Variants in MCF2L2 observed in about 807,000 individuals in gnomAD.
MCF2L2 encodes MCF.2 cell line derived transforming sequence-like 2.
Under a neutral mutation model 150.2 loss-of-function variants are expected in MCF2L2, and 102 were observed. The ratio of observed to expected loss-of-function variants is 0.68; its 90% confidence interval spans 0.58 to 0.80. The LOEUF (loss-of-function observed/expected upper bound fraction) is 0.80. Among genes scored for constraint, MCF2L2 ranks in the 30% least tolerant of loss-of-function variants. MCF2L2 has a pLI of 0.00. For synonymous variants in MCF2L2, 465 were observed against 491.3 expected (o/e 0.95, Z 0.71); for missense variants, 1,256 against 1,372.8 (o/e 0.91, Z 1.34).
intron 18 of MCF2L2, chr3:183,225,843 G>C (rs1005630230): frequency 1.3e-5 from 2 of 152,218 alleles, no homozygotes; most frequent in Admixed American, 6.5e-5. Flanking sequence ...ACATTATTTT[G>C]TTTCCCACAA....
chr3:183,351,956 C>T (rs536539678), intron 3 of MCF2L2, among the ~76,000 whole-genome samples: 24 of 152,116 alleles, frequency 1.6e-4, no homozygotes, highest in Non-Finnish European at 2.5e-4. Context: ...GACTTCAAGT[C>T]GCTAGGGACC....
chr3:183,398,758 A>T (rs1714593895), intron 1 of MCF2L2, among the ~76,000 whole-genome samples: 1 of 152,134 alleles, frequency 6.6e-6, no homozygotes, highest in African/African-American at 2.4e-5. Context: ...GTATCTCATG[A>T]ATATAACGTG....
intron 15 of MCF2L2, among the ~76,000 whole-genome samples, chr3:183,264,673 AC>A (rs1725930009): frequency 6.6e-6 from 1 of 152,230 alleles, no homozygotes; most frequent in African/African-American, 2.4e-5. Flanking sequence ...AGCAGGTTTC[AC>A]ATATTATCTC....
intron 4 of MCF2L2, 86 bp downstream of exon 4, chr3:183,341,454 G>A (rs1730691231): frequency 3.7e-6 from 4 of 1,069,590 alleles, no homozygotes; most frequent in African/African-American, 1.6e-5. Context: ...TAAAATAATT[G>A]CCTTTTCCCC....
At chr3:183,260,662 G>A (rs186180787) in intron 15 of MCF2L2, among the ~76,000 whole-genome samples, 1 of 151,136 alleles carries the variant, frequency 6.6e-6, no homozygotes, top group South Asian at 2.1e-4. Context: ...GAAATTCCCC[G>A]TCTTTACTTC....
At position 183,337,552 on chromosome 3, in the gene MCF2L2, C is replaced by CAAAA. The variant is rs61184812; in HGVS notation, c.486+1244_486+1247dup. ...TGGGCACCAGAGCAAGACTCCATCTCAAAAAAAAAAAAAAAAAAGAAGAAA... is the reference window on the plus strand; with the variant it reads ...TGGGCACCAGAGCAAGACTCCATCTCAAAAAAAAAAAAAAAAAAAAAAGAAGAAA... On this transcript the variant is annotated intron_variant, in intron 5 of 29. Transcript: ENST00000328913. Among the ~76,000 whole-genome samples, 495 of 71,880 alleles carry CAAAA rather than the reference C, an allele frequency of 6.9e-3. 9 individuals are homozygous for CAAAA. Among genetic ancestry groups the CAAAA allele is most frequent in the African/African-American group, 0.018 (394 of 22,194 alleles). 47.2% of individuals were successfully genotyped at this position (71,880 alleles called of 152,430 possible).
intron 11 of MCF2L2, chr3:183,299,759 C>G (rs149581271): frequency 2.2e-6 from 1 of 453,736 alleles, no homozygotes; most frequent in Non-Finnish European, 3.9e-6. Context: ...CGGCTCCACA[C>G]AGATAGAAAT....
At chr3:183,393,918 G>C (rs1385242404) in intron 1 of MCF2L2, among the ~76,000 whole-genome samples, 1 of 152,130 alleles carries the variant, frequency 6.6e-6, no homozygotes, top group East Asian at 1.9e-4. Flanking sequence ...AACTGCTAAA[G>C]GATAAAGGGC....
Position 183,249,738 on chromosome 3 carries a change from G to A in MCF2L2, c.1863-18721C>T, listed in dbSNP as rs151328904. Among the ~76,000 whole-genome samples, 710 of 152,310 alleles carry A rather than the reference G, an allele frequency of 4.7e-3. 9 individuals are homozygous for A. Among genetic ancestry groups the A allele is most frequent in the African/African-American group, 0.016 (665 of 41,570 alleles). ...AGCAAAGAGCTAGTGTGTCTCCAGC[G>A]TCAGCTTTTGGGCCTTGGTGGCATC... On this transcript the variant is annotated intron_variant, in intron 15 of 29. Coordinates refer to ENST00000328913, the MANE Select transcript of MCF2L2 (RefSeq NM_015078.4).
Position 183,207,709 on chromosome 3 carries a change from G to C in MCF2L2, c.2611C>G (p.Gln871Glu), listed in dbSNP as rs200848511. 7 of 1,614,126 alleles carry C rather than the reference G, an allele frequency of 4.3e-6. No homozygotes were observed. The highest frequency in any genetic ancestry group is 5.9e-6 in the Non-Finnish European group (7 of 1,179,972). Residue 871 changes from glutamine (Q) to glutamate (E), a missense_variant, in exon 23 of 30, where the codon CAA (glutamine) becomes GAA (glutamate). Gln to Glu is a conservative substitution (Grantham distance 29). Transcript: ENST00000328913. ...ATTCCCCTTTCAAATAGGTAGATTT[G>C]CCTCTGGCTGGGTTTAAATCGAATC... is the stretch of plus-strand genomic sequence containing the variant. ...DLIRFKPSQR[Q>E]IYLFERGIVF...
At chr3:183,192,878 T>C in intron 27 of MCF2L2, 121 bp downstream of exon 27, 2 of 696,514 alleles carry the variant, frequency 2.9e-6, no homozygotes, top group Non-Finnish European at 4.9e-6. Flanking sequence ...AAATGCTTTC[T>C]TTTTTCTCCC....
intron 2 of MCF2L2, among the ~76,000 whole-genome samples, chr3:183,388,384 C>T (rs913836619): frequency 1.3e-5 from 2 of 151,952 alleles, no homozygotes; most frequent in Non-Finnish European, 2.9e-5. Context: ...GAGAACAGAC[C>T]CCATTCTGCC....
At chr3:183,253,665 C>T (rs1305375239) in intron 15 of MCF2L2, 3 of 152,326 alleles carry the variant, frequency 2.0e-5, no homozygotes, top group Non-Finnish European at 4.4e-5. Flanking sequence ...GTTAGAGCTC[C>T]CGCTCGGAAA....
chr3:183,391,658 T>C (rs918520453), intron 1 of MCF2L2, among the ~76,000 whole-genome samples: 1 of 152,188 alleles, frequency 6.6e-6, no homozygotes, highest in African/African-American at 2.4e-5. Flanking sequence ...TGGATAATTA[T>C]TGAAGCTGGT....
chr3:183,186,929 T>A (rs1721715896), intron 27 of MCF2L2, among the ~76,000 whole-genome samples: 1 of 152,260 alleles, frequency 6.6e-6, no homozygotes, highest in African/African-American at 2.4e-5. Flanking sequence ...ATGTTGGATT[T>A]GTATTTTTAT....
At chr3:183,215,353 T>C (rs1377695643) in intron 22 of MCF2L2, among the ~76,000 whole-genome samples, 1 of 143,322 alleles carries the variant, frequency 7.0e-6, no homozygotes, top group Non-Finnish European at 1.6e-5. Context: ...TTAACTATGC[T>C]CCAGTCTCAA....
intron 15 of MCF2L2, among the ~76,000 whole-genome samples, chr3:183,245,857 C>T (rs1353592913): frequency 2.0e-5 from 3 of 152,170 alleles, no homozygotes; most frequent in African/African-American, 7.2e-5. Context: ...GAGTTTTGCT[C>T]AGGTAATCTG....
intron 22 of MCF2L2, among the ~76,000 whole-genome samples, chr3:183,208,990 C>T (rs1464747675): frequency 6.6e-6 from 1 of 152,078 alleles, no homozygotes; most frequent in Non-Finnish European, 1.5e-5. Context: ...GGAAAATTTA[C>T]ATATGTAGAC....
intron 3 of MCF2L2, among the ~76,000 whole-genome samples, chr3:183,358,654 TC>T (rs1711938747): frequency 1.3e-5 from 2 of 152,192 alleles, no homozygotes; most frequent in Admixed American, 1.3e-4. Flanking sequence ...AGGATCTCAT[TC>T]TATCTCTCAG....
Sources: allele counts gnomAD v4.1 joint callset (sites outside exome capture counted in the v4.1 genomes callset), GRCh38; gene constraint gnomAD v4.1.1; transcripts MANE v1.5; gene names NCBI Gene and HGNC (gene_info 2026-07-23, HGNC 2026-07-21).